The following LYG2 variants were observed in gnomAD, a reference collection of about 807,000 sequenced individuals.
The protein encoded by LYG2 is lysozyme g2, also known as lysozyme g-like protein 2.
LYG2 carries 25 observed loss-of-function variants against 22.4 expected under a neutral mutation model. That is an observed-to-expected ratio of 1.12 (90% CI 0.81 to 1.56). The LOEUF is 1.56. LYG2 is among the 40% of genes most tolerant of loss of function. The probability of loss-of-function intolerance (pLI) is 0.00; values close to 1 mark genes in which losing one functional copy is unlikely to be tolerated. For synonymous variants in LYG2, 88 were observed against 97.0 expected, an observed-to-expected ratio of 0.91 and a Z score of 0.55; for missense variants, 266 against 269.5, an observed-to-expected ratio of 0.99 and a Z score of 0.09.
chr2:99,253,595 T>TC (rs1445792881), intron 3 of LYG2, among the ~76,000 whole-genome samples: 1 of 152,186 alleles, frequency 6.6e-6, no homozygotes, highest in Non-Finnish European at 1.5e-5. Context: ...TACCAACCTA[T>TC]CTTTCCAGCC....
intron 3 of LYG2, among the ~76,000 whole-genome samples, chr2:99,252,642 T>G (rs2094028622): frequency 6.6e-6 from 1 of 152,182 alleles, no homozygotes. Context: ...GGATCAAGTG[T>G]CCTTATATTG....
chr2:99,254,139 G>T, intron 3 of LYG2, 79 bp downstream of exon 3: 1 of 1,247,686 alleles, frequency 8.0e-7, no homozygotes. Flanking sequence ...GGTAATCATT[G>T]CTCTTTCTGA....
chr2:99,252,544 T>C (rs1045243021), intron 3 of LYG2, among the ~76,000 whole-genome samples: 29 of 152,240 alleles, frequency 1.9e-4, no homozygotes, highest in African/African-American at 7.0e-4. Context: ...TGGCACAAAG[T>C]AGACATTTAA....
intron 6 of LYG2, chr2:99,243,642 C>A (rs1574861558): frequency 1.4e-6 from 1 of 704,632 alleles, no homozygotes; most frequent in Non-Finnish European, 2.2e-6. Context: ...CACAAGCAAT[C>A]CTCCTGGCTT....
At chr2:99,248,820 G>A (rs540853455) in intron 3 of LYG2, among the ~76,000 whole-genome samples, 210 of 151,034 alleles carry the variant, frequency 1.4e-3, no homozygotes, top group Non-Finnish European at 2.4e-3. Context: ...AGATAAGAAA[G>A]AAGGGCACCA....
intron 6 of LYG2, chr2:99,243,659 C>T (rs906226433): frequency 1.6e-6 from 1 of 640,976 alleles, no homozygotes; most frequent in African/African-American, 1.9e-5. Context: ...GCTTAGCCTC[C>T]TGAGTAGCTG....
At chr2:99,249,634 G>A (rs561911104) in intron 3 of LYG2, among the ~76,000 whole-genome samples, 41 of 151,480 alleles carry the variant, frequency 2.7e-4, no homozygotes, top group African/African-American at 9.9e-4. Context: ...GGTGGTGCAT[G>A]CCTGTAATCC....
chr2:99,242,696 G>T (rs542153122), intron 6 of LYG2, among the ~76,000 whole-genome samples: 1 of 152,222 alleles, frequency 6.6e-6, no homozygotes, highest in South Asian at 2.1e-4. Context: ...AAAGTCTTTG[G>T]TTTTTCTTGT....
chr2:99,254,336 C>A, intron 2 of LYG2, 51 bp from the exon 3 acceptor site: 1 of 1,462,428 alleles, frequency 6.8e-7, no homozygotes, highest in Non-Finnish European at 9.4e-7. Flanking sequence ...TGAAAATTTC[C>A]TAAAGAAAAA....
chr2:99,242,458 C>T lies in LYG2; in HGVS notation c.545G>A (p.Gly182Glu). ...CGATGGGGTGGCAATCGCTTCAATT[C>T]CTGACTTAAAAGCTGAGAGACCACC... ...LKGGLSAFKS[G>E]IEAIATPSDI... Residue 182 changes from glycine (G) to glutamate (E), a missense_variant, in exon 7 of 7, where the codon GGA becomes GAA. Transcript: ENST00000333017. 1 of 1,612,120 alleles carries T rather than the reference C, an allele frequency of 6.2e-7. No individual in the cohort carries two copies. The highest frequency in any genetic ancestry group is 1.3e-5 in the African/African-American group (1 of 74,978).
chr2:99,254,928 C>T (rs974149743), intron 2 of LYG2, 92 bp downstream of exon 2: 1 of 152,386 alleles, frequency 6.6e-6, no homozygotes, highest in Admixed American at 6.5e-5. Context: ...GAGGTTTCCT[C>T]TGCTCCATTT....
intron 3 of LYG2, among the ~76,000 whole-genome samples, chr2:99,248,569 T>A (rs1254679344): frequency 8.0e-6 from 1 of 124,570 alleles, no homozygotes. Context: ...AACATCACAC[T>A]CTGGGGACTG....
upstream of LYG2, among the ~76,000 whole-genome samples, chr2:99,258,778 T>C (rs1036357252): frequency 6.6e-6 from 1 of 152,256 alleles, no homozygotes; most frequent in Non-Finnish European, 1.5e-5. Flanking sequence ...AAGCTTTAAC[T>C]GCTGTGTGCT....
chr2:99,250,721 C>A (rs1283104112), intron 3 of LYG2, among the ~76,000 whole-genome samples: 1 of 152,180 alleles, frequency 6.6e-6, no homozygotes, highest in Non-Finnish European at 1.5e-5. Flanking sequence ...TTTGGCAATA[C>A]CCTCTGTGGG....
chr2:99,252,639 G>C (rs1036273727), intron 3 of LYG2, among the ~76,000 whole-genome samples: 1 of 152,216 alleles, frequency 6.6e-6, no homozygotes, highest in Non-Finnish European at 1.5e-5. Flanking sequence ...TCTGGATCAA[G>C]TGTCCTTATA....
At chr2:99,260,121 C>G (rs1286686966), upstream of LYG2, among the ~76,000 whole-genome samples, 1 of 152,062 alleles carries the variant, frequency 6.6e-6, no homozygotes, top group Admixed American at 6.5e-5. Flanking sequence ...ACCACCACAC[C>G]TGGCTAATTT....
intron 3 of LYG2, among the ~76,000 whole-genome samples, chr2:99,251,397 T>C (rs2094026281): frequency 6.6e-6 from 1 of 152,184 alleles, no homozygotes; most frequent in Non-Finnish European, 1.5e-5. Flanking sequence ...AATCTTAAAT[T>C]ATATTTACTG....
At chr2:99,258,960 C>A (rs1372187610), upstream of LYG2, among the ~76,000 whole-genome samples, 3 of 152,116 alleles carry the variant, frequency 2.0e-5, no homozygotes, top group Non-Finnish European at 4.4e-5. Flanking sequence ...AATTGGTAAA[C>A]ATCTTTACAC....
chr2:99,252,613 G>C (rs1369431073), intron 3 of LYG2, among the ~76,000 whole-genome samples: 1 of 152,172 alleles, frequency 6.6e-6, no homozygotes, highest in Non-Finnish European at 1.5e-5. Flanking sequence ...GAGACAGAAA[G>C]GGATTGTTTA....
Sources: allele counts gnomAD v4.1 joint callset (sites outside exome capture counted in the v4.1 genomes callset), GRCh38; gene constraint gnomAD v4.1.1; transcripts MANE v1.5; gene names NCBI Gene and HGNC (gene_info 2026-07-23, HGNC 2026-07-21).